EMCN: variants seen among roughly 807,000 people sequenced by gnomAD.
EMCN encodes the protein endomucin, also known as MUC-14.
EMCN carries 37 observed loss-of-function variants against 38.4 expected under a neutral mutation model. The ratio of observed to expected loss-of-function variants is 0.96; its 90% CI spans 0.74 to 1.27. The LOEUF (loss-of-function observed/expected upper bound fraction) is 1.27, where lower values mean the gene tolerates loss of function less well. EMCN is among the 50% of genes most tolerant of loss of function. The pLI, the probability that EMCN is intolerant of heterozygous loss-of-function variation, is 0.00. For missense variants in EMCN, 318 were observed against 302.8 expected (o/e 1.05, Z -0.37); for synonymous variants, 95 against 100.8 (o/e 0.94, Z 0.35).
chr4:100,506,981 TACAGTTA>T (rs1323111785), intron 1 of EMCN, among the ~76,000 whole-genome samples: 1 of 152,228 alleles, frequency 6.6e-6, no homozygotes, highest in African/African-American at 2.4e-5. Context: ...AAACTCTTCT[TACAGTTA>T]ACAGTTCTCT....
rs1000620485 is a variant in EMCN at position 100,395,944 on chromosome 4, A to G, written c.*2469T>C. On this transcript the variant is annotated 3_prime_UTR_variant, in exon 12 of 12. Coordinates refer to ENST00000296420, the MANE Select transcript of EMCN (RefSeq NM_016242.4). ...TCATATTATTATGCAAAACAAACAC[A>G]TAGAAAGTCTTGCCTTTGATCTAAA... The G allele has an allele frequency of 3.3e-5, 5 of 152,228 alleles. No homozygotes were observed. Among genetic ancestry groups the G allele is most frequent in the Non-Finnish European group, 5.9e-5 (4 of 68,042 alleles). 9.4% of individuals were successfully genotyped at this position (152,228 alleles called of 1,614,324 possible).
chr4:100,486,463 C>T (rs914495651), intron 1 of EMCN, among the ~76,000 whole-genome samples: 9 of 152,200 alleles, frequency 5.9e-5, no homozygotes, highest in Non-Finnish European at 1.3e-4. Flanking sequence ...ATTTAAAGTA[C>T]ATTTTCAATT....
intron 1 of EMCN, among the ~76,000 whole-genome samples, chr4:100,502,152 T>A (rs762521752): frequency 1.3e-5 from 2 of 152,202 alleles, no homozygotes; most frequent in Non-Finnish European, 2.9e-5. Context: ...ACGTAGTGGA[T>A]TGGTTGGACT....
intron 11 of EMCN, among the ~76,000 whole-genome samples, chr4:100,405,410 G>T (rs1302402254): frequency 6.6e-6 from 1 of 151,818 alleles, no homozygotes; most frequent in Non-Finnish European, 1.5e-5. Flanking sequence ...GATTGTTGAG[G>T]GATTTTAACA....
chr4:100,447,758 TG>T (rs1441524033), intron 4 of EMCN, among the ~76,000 whole-genome samples, 187 bp from the exon 5 acceptor site: 1 of 152,084 alleles, frequency 6.6e-6, no homozygotes, highest in Non-Finnish European at 1.5e-5. Context: ...TAAGAAAAAG[TG>T]GTTCAACCGA....
intron 1 of EMCN, among the ~76,000 whole-genome samples, chr4:100,502,300 A>G (rs1377212936): frequency 6.6e-6 from 1 of 152,218 alleles, no homozygotes; most frequent in Non-Finnish European, 1.5e-5. Context: ...CAAAACCTCC[A>G]TGTTGAATAT....
intron 11 of EMCN, among the ~76,000 whole-genome samples, chr4:100,406,214 G>T (rs1726389064): frequency 6.6e-6 from 1 of 151,822 alleles, no homozygotes; most frequent in Admixed American, 6.6e-5. Context: ...CTTTTGCATA[G>T]TTCTTATCAT....
intron 2 of EMCN, among the ~76,000 whole-genome samples, chr4:100,476,869 G>A (rs988187603): frequency 2.9e-4 from 44 of 152,248 alleles, no homozygotes; most frequent in African/African-American, 1.0e-3. Context: ...ATATAACAGG[G>A]AACAGAAAGA....
intron 1 of EMCN, among the ~76,000 whole-genome samples, chr4:100,483,028 T>G (rs891785810): frequency 3.3e-5 from 5 of 152,128 alleles, no homozygotes; most frequent in Admixed American, 1.3e-4. Context: ...CTTTAATTAA[T>G]TAGTACTCTT....
intron 2 of EMCN, among the ~76,000 whole-genome samples, chr4:100,476,862 T>C (rs1355740264): frequency 6.6e-6 from 1 of 152,156 alleles, no homozygotes; most frequent in Non-Finnish European, 1.5e-5. Flanking sequence ...TATTCAAATA[T>C]AACAGGGAAC....
chr4:100,473,387 T>TTTG (rs1553930793), intron 3 of EMCN, among the ~76,000 whole-genome samples: 3 of 125,824 alleles, frequency 2.4e-5, no homozygotes, highest in African/African-American at 9.5e-5. Context: ...TTTTTTTTTG[T>TTTG]TTTTTTTTTT....
At chr4:100,438,700 A>C (rs1054423384) in intron 5 of EMCN, among the ~76,000 whole-genome samples, 2 of 151,970 alleles carry the variant, frequency 1.3e-5, no homozygotes, top group Admixed American at 1.3e-4. Flanking sequence ...CCCATTGATT[A>C]TAATTGTAGC....
chr4:100,481,921 T>TCTTCCTTCCTCCTTCCTTCTTTCC (rs1158775855), intron 1 of EMCN, among the ~76,000 whole-genome samples: 10 of 151,570 alleles, frequency 6.6e-5, no homozygotes, highest in African/African-American at 2.4e-4. Flanking sequence ...TCCTTCTTTC[T>TCTTCCTTCCTCCTTCCTTCTTTCC]CTTCCTTCCT....
intron 5 of EMCN, among the ~76,000 whole-genome samples, chr4:100,428,252 C>T (rs1727105186): frequency 6.6e-6 from 1 of 152,106 alleles, no homozygotes; most frequent in South Asian, 2.1e-4. Context: ...TTAAACATGC[C>T]AGGCCTCTCC....
intron 7 of EMCN, 112 bp downstream of exon 7, chr4:100,422,909 G>A: frequency 1.0e-6 from 1 of 996,298 alleles, no homozygotes; most frequent in Non-Finnish European, 1.6e-6. Flanking sequence ...GGGATTGCAG[G>A]CTCAGTAAAG....
chr4:100,402,211 T>C (rs927371517), intron 11 of EMCN, among the ~76,000 whole-genome samples: 2 of 152,174 alleles, frequency 1.3e-5, no homozygotes, highest in Non-Finnish European at 2.9e-5. Context: ...TCAAAATTCC[T>C]GTCTGCCCTG....
intron 1 of EMCN, among the ~76,000 whole-genome samples, chr4:100,495,078 C>T (rs924323696): frequency 2.0e-5 from 3 of 151,856 alleles, no homozygotes; most frequent in Non-Finnish European, 2.9e-5. Flanking sequence ...GAAAAGTGAG[C>T]GTGAGAACTT....
intron 2 of EMCN, among the ~76,000 whole-genome samples, chr4:100,477,518 A>C (rs1728693869): frequency 6.6e-6 from 1 of 152,214 alleles, no homozygotes; most frequent in Admixed American, 6.5e-5. Flanking sequence ...TGCAAGAAGA[A>C]TTCTCATCTC....
intron 1 of EMCN, among the ~76,000 whole-genome samples, chr4:100,504,729 C>G (rs781645472): frequency 6.6e-6 from 1 of 152,192 alleles, no homozygotes; most frequent in Admixed American, 6.5e-5. Context: ...CACGGTCTAG[C>G]GGTAGAGTCA....
Sources: gnomAD v4.1 joint callset for allele counts (sites outside exome capture counted in the v4.1 genomes callset) on GRCh38, gnomAD v4.1.1 for gene constraint, MANE v1.5 for transcripts, NCBI Gene and HGNC (gene_info 2026-07-23, HGNC 2026-07-21) for gene names.